PDGFC: variants seen among roughly 807,000 people sequenced by gnomAD.
The protein encoded by PDGFC is platelet-derived growth factor C.
Under a neutral mutation model 35.5 loss-of-function variants are expected in PDGFC, and 12 were observed. The observed-to-expected ratio is 0.34, with a 90% CI of 0.22 to 0.55. The LOEUF (loss-of-function observed/expected upper bound fraction) is 0.55. Among genes scored for constraint, PDGFC ranks in the 20% least tolerant of loss-of-function variants. The pLI is 0.91. For missense variants in PDGFC, 322 were observed against 412.4 expected (o/e 0.78, Z 1.90); for synonymous variants, 159 against 148.8 (o/e 1.07, Z -0.50).
At position 156,971,728 on chromosome 4, in the gene PDGFC, C is replaced by A. The variant is rs1732600064; in HGVS notation, c.-825G>T. On this transcript the variant is annotated 5_prime_UTR_variant, in exon 1 of 6. Coordinates refer to ENST00000502773, the MANE Select transcript of PDGFC (RefSeq NM_016205.3). ...GGGTCACCGCGGGGCTCCGGTTGTT[C>A]CCCGTCCCCTCCCCCCACGCCTCGG... Among the ~76,000 whole-genome samples, 1 of 151,934 alleles carries A rather than the reference C, an allele frequency of 6.6e-6. No homozygotes were observed. Among genetic ancestry groups the A allele is most frequent in the South Asian group, 2.1e-4 (1 of 4,838 alleles).
At chr4:156,870,769 A>G (rs1003211855) in intron 1 of PDGFC, among the ~76,000 whole-genome samples, 1 of 152,140 alleles carries the variant, frequency 6.6e-6, no homozygotes, top group African/African-American at 2.4e-5. Flanking sequence ...TAACTAAGTG[A>G]CTTTCTCACT....
chr4:156,918,604 G>A (rs948860258), intron 1 of PDGFC, among the ~76,000 whole-genome samples: 3 of 152,112 alleles, frequency 2.0e-5, no homozygotes, highest in Admixed American at 6.5e-5. Flanking sequence ...ACAGGAACAC[G>A]GACCCTATTG....
At position 156,791,426 on chromosome 4, in the gene PDGFC, A is replaced by G. The variant is rs541874259; in HGVS notation, c.496-18533T>C. 2.6e-5 allele frequency among the ~76,000 whole-genome samples: 4 copies of G among 152,266 alleles called. No homozygotes were observed. In the East Asian group the frequency reaches 7.7e-4, roughly 29 times the overall value. ...ATTATGTTGAGTCTGACATGCTTTAAAATATCCAAGCTCAGAGAACCTCAA... is the reference window on the plus strand; with the variant it reads ...ATTATGTTGAGTCTGACATGCTTTAGAATATCCAAGCTCAGAGAACCTCAA... On this transcript the variant is annotated intron_variant, in intron 3 of 5. Transcript: ENST00000502773.
intron 2 of PDGFC, among the ~76,000 whole-genome samples, chr4:156,814,516 T>C (rs191234281): frequency 1.3e-5 from 2 of 152,208 alleles, no homozygotes; most frequent in Admixed American, 1.3e-4. Context: ...ATGAAGTCAT[T>C]TCAATACACT....
At position 156,832,848 on chromosome 4, in the gene PDGFC, T is replaced by A. The variant is rs142358815; in HGVS notation, c.314+17373A>T. Among the ~76,000 whole-genome samples the A allele has an allele frequency of 2.0e-4, 31 of 152,308 alleles. No homozygotes were observed. In the East Asian group the frequency reaches 4.6e-3, roughly 23 times the overall value. On this transcript the variant is annotated intron_variant, in intron 2 of 5. Coordinates refer to ENST00000502773, the MANE Select transcript of PDGFC (RefSeq NM_016205.3). Reference sequence around the variant, plus strand: ...TATAGTATATGCGGATTTGGGTGTATGTGGGCAGTCCTGCAACCAATCCTC... The same window carrying A: ...TATAGTATATGCGGATTTGGGTGTAAGTGGGCAGTCCTGCAACCAATCCTC...
chr4:156,871,172 G>A (rs999519151), intron 1 of PDGFC, among the ~76,000 whole-genome samples: 4 of 152,034 alleles, frequency 2.6e-5, no homozygotes, highest in Non-Finnish European at 4.4e-5. Flanking sequence ...TGCCAAGACA[G>A]GGGTTTTAAT....
chr4:156,775,075 C>A (rs1299159197), intron 3 of PDGFC, among the ~76,000 whole-genome samples: 1 of 151,930 alleles, frequency 6.6e-6, no homozygotes, highest in East Asian at 1.9e-4. Context: ...GAGTTTATTA[C>A]CCTAATATGT....
chr4:156,886,904 C>T (rs963345135), intron 1 of PDGFC: 2 of 152,162 alleles, frequency 1.3e-5, no homozygotes, highest in African/African-American at 4.8e-5. Context: ...TGAAACTGTG[C>T]TAACTATAGA....
chr4:156,933,597 T>C (rs1450623012), intron 1 of PDGFC, among the ~76,000 whole-genome samples: 1 of 152,200 alleles, frequency 6.6e-6, no homozygotes, highest in East Asian at 1.9e-4. Flanking sequence ...TGAAGTGCTG[T>C]CTAGTGTTCC....
At chr4:156,853,925 T>C (rs1475057915) in intron 1 of PDGFC, among the ~76,000 whole-genome samples, 1 of 152,148 alleles carries the variant, frequency 6.6e-6, no homozygotes, top group African/African-American at 2.4e-5. Context: ...ATGGCACCAC[T>C]GCACTCCAGC....
chr4:156,909,143 A>C (rs1730984657), intron 1 of PDGFC, among the ~76,000 whole-genome samples: 1 of 152,294 alleles, frequency 6.6e-6, no homozygotes, highest in South Asian at 2.1e-4. Context: ...TTTTTGAGAT[A>C]ATGAAAATAT....
intron 1 of PDGFC, among the ~76,000 whole-genome samples, chr4:156,892,884 T>C (rs1473239297): frequency 3.3e-5 from 5 of 152,212 alleles, no homozygotes; most frequent in African/African-American, 1.2e-4. Flanking sequence ...GGCTTTAACA[T>C]CTGGGTACTT....
chr4:156,785,427 T>TA (rs1304161579), intron 3 of PDGFC, among the ~76,000 whole-genome samples: 1 of 152,196 alleles, frequency 6.6e-6, no homozygotes, highest in African/African-American at 2.4e-5. Flanking sequence ...TTGGCCAGGC[T>TA]AGTCTCGAGC....
Position 156,864,840 on chromosome 4 carries a change from C to A in PDGFC, c.119-14424G>T, listed in dbSNP as rs950402775. On this transcript the variant is annotated intron_variant, in intron 1 of 5. Transcript: ENST00000502773. ...ATAATTGCTCCAATTATAAAACTAG[C>A]CTTCAAAATTCCTCAAGTATGTTAA... 2.0e-4 allele frequency among the ~76,000 whole-genome samples: 30 copies of A among 152,006 alleles called. 1 individual carries two copies. The highest frequency in any genetic ancestry group is 8.8e-5 in the Non-Finnish European group (6 of 67,978).
intron 3 of PDGFC, among the ~76,000 whole-genome samples, chr4:156,785,304 G>A (rs1560810379): frequency 6.6e-6 from 1 of 152,080 alleles, no homozygotes; most frequent in Non-Finnish European, 1.5e-5. Flanking sequence ...AGGGTTCAAG[G>A]GATTCTTCTG....
At chr4:156,842,951 CT>C (rs1729239549) in intron 2 of PDGFC, among the ~76,000 whole-genome samples, 2 of 152,126 alleles carry the variant, frequency 1.3e-5, no homozygotes, top group South Asian at 4.1e-4. Flanking sequence ...TAGATTACTT[CT>C]TATTTAAAGC....
rs139610123 is a variant in PDGFC at position 156,900,542 on chromosome 4, T to C, written c.119-50126A>G. Among the ~76,000 whole-genome samples, 530 of 152,042 alleles carry C rather than the reference T, an allele frequency of 3.5e-3. 4 individuals carry two copies. The highest frequency in any genetic ancestry group is 0.012 in the African/African-American group (499 of 41,476). On this transcript the variant is annotated intron_variant, in intron 1 of 5. Transcript: ENST00000502773. The stretch of plus-strand genomic sequence containing the variant: ...TAAATGATGAACAAGAACGAACTAG[T>C]TAAAGAAGAGGATAGGAAGCGGGTG...
At chr4:156,804,518 T>C (rs1180643755) in intron 3 of PDGFC, among the ~76,000 whole-genome samples, 1 of 151,966 alleles carries the variant, frequency 6.6e-6, no homozygotes, top group Non-Finnish European at 1.5e-5. Context: ...GACATCCCTC[T>C]GCTCTCCACA....
intron 1 of PDGFC, among the ~76,000 whole-genome samples, chr4:156,960,429 A>G (rs1040397294): frequency 6.6e-6 from 1 of 151,332 alleles, no homozygotes; most frequent in South Asian, 2.1e-4. Flanking sequence ...TAGTGTTCTT[A>G]TAACTTTAGA....
Sources: allele counts gnomAD v4.1 joint callset (sites outside exome capture counted in the v4.1 genomes callset), GRCh38; gene constraint gnomAD v4.1.1; transcripts MANE v1.5; gene names NCBI Gene and HGNC (gene_info 2026-07-23, HGNC 2026-07-21).